LEKR1: variants seen among roughly 807,000 people sequenced by gnomAD.
LEKR1 encodes protein LEKR1.
In LEKR1, 59 loss-of-function variants were observed where a neutral mutation model predicts 72.4. The ratio of observed to expected loss-of-function variants is 0.82; its 90% CI spans 0.66 to 1.01. The LOEUF (loss-of-function observed/expected upper bound fraction) is 1.01. Among genes scored for constraint, LEKR1 ranks in the 50% least tolerant of loss-of-function variants. LEKR1 has a pLI of 0.00. For synonymous variants in LEKR1, 257 were observed against 263.2 expected, an observed-to-expected ratio of 0.98 and a Z score of 0.23; for missense variants, 728 against 759.2, an observed-to-expected ratio of 0.96 and a Z score of 0.48.
At chr3:156,951,101 T>C (rs532608453) in intron 6 of LEKR1, among the ~76,000 whole-genome samples, 1 of 151,852 alleles carries the variant, frequency 6.6e-6, no homozygotes, top group Non-Finnish European at 1.5e-5. Context: ...AAAAGCCTTT[T>C]CTGCATCTAT....
chr3:156,875,776 A>C (rs1347597870), intron 3 of LEKR1, among the ~76,000 whole-genome samples: 2 of 152,174 alleles, frequency 1.3e-5, no homozygotes, highest in South Asian at 2.1e-4. Context: ...TAGGCAGATC[A>C]TGAGGTCAGG....
intron 6 of LEKR1, among the ~76,000 whole-genome samples, chr3:156,976,068 CTTTA>C (rs1280850434): frequency 1.3e-5 from 2 of 152,116 alleles, no homozygotes; most frequent in African/African-American, 4.8e-5. Context: ...AATGGTGTTT[CTTTA>C]TTTATTAAGG....
chr3:156,971,677 G>T (rs1038470901), intron 6 of LEKR1, among the ~76,000 whole-genome samples: 2 of 151,896 alleles, frequency 1.3e-5, no homozygotes, highest in East Asian at 3.9e-4. Flanking sequence ...AAAAGTGGGC[G>T]AAGGATATGA....
intron 7 of LEKR1, among the ~76,000 whole-genome samples, chr3:156,980,714 A>G (rs1730119026): frequency 1.3e-5 from 2 of 152,186 alleles, no homozygotes; most frequent in Non-Finnish European, 2.9e-5. Flanking sequence ...CAGTCTAGGC[A>G]TAGGGAGGTG....
At chr3:156,982,039 A>G (rs9878410) in intron 7 of LEKR1, among the ~76,000 whole-genome samples, 42,475 of 152,152 alleles carry the variant, frequency 0.28, 7,701 homozygotes, top group African/African-American at 0.52. Context: ...TTGACAATAA[A>G]AGGAAGAAGC....
At position 156,915,589 on chromosome 3, in the gene LEKR1, CA is replaced by C. The variant is rs912084609; in HGVS notation, c.264-4985del. On this transcript the variant is annotated intron_variant, in intron 3 of 12. Coordinates refer to ENST00000356539, the MANE Select transcript of LEKR1 (RefSeq NM_001004316.3). Reference sequence around the variant, plus strand: ...GAAGTGTCTGTTCATGTCTTTTGCCCACTTTTTAACGGGGTTGTTTGTTTGT... The same window carrying C: ...GAAGTGTCTGTTCATGTCTTTTGCCCCTTTTTAACGGGGTTGTTTGTTTGT... Among the ~76,000 whole-genome samples the C allele has an allele frequency of 5.1e-4, 78 of 151,840 alleles. 4 individuals are homozygous for C.
chr3:156,835,489 G>A (rs537552138), intron 2 of LEKR1, among the ~76,000 whole-genome samples: 66 of 152,320 alleles, frequency 4.3e-4, no homozygotes, highest in African/African-American at 1.5e-3. Context: ...AAAGAGAAAC[G>A]CTATAGGACG....
chr3:156,952,346 CA>C (rs1464550064), intron 6 of LEKR1, among the ~76,000 whole-genome samples: 1 of 151,312 alleles, frequency 6.6e-6, no homozygotes, highest in Admixed American at 6.6e-5. Flanking sequence ...TTTATTATAC[CA>C]GGAGCTGTTA....
intron 3 of LEKR1, among the ~76,000 whole-genome samples, chr3:156,899,638 A>G (rs537233949): frequency 4.6e-5 from 6 of 130,874 alleles, no homozygotes; most frequent in African/African-American, 2.1e-4. Context: ...ATATACACGC[A>G]TATATACACA....
chr3:156,894,468 A>G (rs1720978349), intron 3 of LEKR1, among the ~76,000 whole-genome samples: 1 of 152,230 alleles, frequency 6.6e-6, no homozygotes, highest in Non-Finnish European at 1.5e-5. Context: ...ATATTAGCAT[A>G]GTGCTGTAGT....
At chr3:157,002,954 T>C (rs961675072) in intron 9 of LEKR1, among the ~76,000 whole-genome samples, 2 of 152,216 alleles carry the variant, frequency 1.3e-5, no homozygotes, top group Admixed American at 1.3e-4. Context: ...GAATGGATTC[T>C]ACTTTTTATG....
intron 12 of LEKR1, among the ~76,000 whole-genome samples, chr3:157,035,196 G>A (rs1734876201): frequency 6.6e-6 from 1 of 152,138 alleles, no homozygotes; most frequent in Non-Finnish European, 1.5e-5. Context: ...AAAAATTCAT[G>A]TGACTTTCTT....
intron 3 of LEKR1, among the ~76,000 whole-genome samples, chr3:156,898,030 G>A (rs1361242412): frequency 1.3e-5 from 2 of 152,006 alleles, no homozygotes; most frequent in African/African-American, 2.4e-5. Context: ...GAGACAATAG[G>A]TGACAAATGT....
intron 3 of LEKR1, among the ~76,000 whole-genome samples, chr3:156,876,627 A>G (rs1303951637): frequency 6.6e-6 from 1 of 152,088 alleles, no homozygotes; most frequent in African/African-American, 2.4e-5. Context: ...CAGCTTAGTC[A>G]TTGTTGGTAT....
chr3:156,930,318 T>C lies in LEKR1; in HGVS notation c.559+2714T>C, dbSNP rs190712319. Among the ~76,000 whole-genome samples, 400 of 152,128 alleles carry C rather than the reference T, an allele frequency of 2.6e-3. 1 individual carries two copies. The highest frequency in any genetic ancestry group is 9.2e-3 in the African/African-American group (383 of 41,532). On this transcript the variant is annotated intron_variant, in intron 5 of 12. Coordinates refer to ENST00000356539, the MANE Select transcript of LEKR1 (RefSeq NM_001004316.3). ...ACCATAAGTGACAAATATGAGTAAA[T>C]ATAAAAGACTCCTTTTCCTTTAAAT...
chr3:157,029,854 T>C (rs1476292806), intron 12 of LEKR1, among the ~76,000 whole-genome samples: 5 of 152,148 alleles, frequency 3.3e-5, no homozygotes, highest in African/African-American at 1.2e-4. Context: ...TTCTAACTAT[T>C]CATTCACAAA....
At chr3:156,827,959 A>G (rs1711858511) in intron 1 of LEKR1, among the ~76,000 whole-genome samples, 1 of 152,238 alleles carries the variant, frequency 6.6e-6, no homozygotes, top group African/African-American at 2.4e-5. Context: ...TGGCAAATCC[A>G]CCATTAAATG....
chr3:156,915,469 T>C (rs1270932919), intron 3 of LEKR1, among the ~76,000 whole-genome samples: 3 of 152,112 alleles, frequency 2.0e-5, no homozygotes, highest in African/African-American at 4.8e-5. Flanking sequence ...TGTGAGATGA[T>C]ATCTCATCGG....
intron 6 of LEKR1, among the ~76,000 whole-genome samples, chr3:156,946,598 T>A (rs186403123): frequency 6.6e-6 from 1 of 151,610 alleles, no homozygotes; most frequent in African/African-American, 2.4e-5. Flanking sequence ...GCTTTTATTA[T>A]GTTGAGATAT....
Sources: gnomAD v4.1 joint callset for allele counts (sites outside exome capture counted in the v4.1 genomes callset) on GRCh38, gnomAD v4.1.1 for gene constraint, MANE v1.5 for transcripts, NCBI Gene and HGNC (gene_info 2026-07-23, HGNC 2026-07-21) for gene names.